The following FAH variants were observed in gnomAD, a reference collection of about 807,000 sequenced individuals.
The protein encoded by FAH is fumarylacetoacetase.
Under a neutral mutation model 55.8 loss-of-function variants are expected in FAH, and 47 were observed. The observed-to-expected ratio is 0.84, with a 90% CI of 0.67 to 1.07. FAH has a LOEUF of 1.07. Among genes scored for constraint, FAH ranks in the 50% least tolerant of loss-of-function variants. FAH has a pLI of 0.00. For missense variants in FAH, 495 were observed against 545.9 expected, an observed-to-expected ratio of 0.91 and a Z score of 0.93; for synonymous variants, 199 against 207.7, an observed-to-expected ratio of 0.96 and a Z score of 0.36.
intron 11 of FAH, 111 bp downstream of exon 11, chr15:80,177,694 G>C: frequency 9.8e-7 from 1 of 1,017,964 alleles, no homozygotes; most frequent in South Asian, 1.3e-5. Context: ...TGATGGGTCA[G>C]CCTGTGGGCC....
intron 7 of FAH, among the ~76,000 whole-genome samples, chr15:80,169,830 G>A (rs535863180): frequency 6.6e-6 from 1 of 152,322 alleles, no homozygotes; most frequent in South Asian, 2.1e-4. Flanking sequence ...ACCGCGCTCG[G>A]CCAGGGCTGC....
chr15:80,173,659 A>C, intron 9 of FAH: 3 of 238,636 alleles, frequency 1.3e-5, no homozygotes, highest in Non-Finnish European at 1.7e-5. Flanking sequence ...AATCTGCCCC[A>C]CTCCATCACT....
chr15:80,162,843 G>A (rs559177623), intron 5 of FAH: 1 of 219,700 alleles, frequency 4.6e-6, no homozygotes, highest in African/African-American at 2.3e-5. Context: ...CTCAGAGAAG[G>A]ATCAACTTGC....
chr15:80,178,847 C>G (rs990909796), intron 11 of FAH, among the ~76,000 whole-genome samples: 4 of 152,266 alleles, frequency 2.6e-5, no homozygotes, highest in African/African-American at 9.6e-5. Flanking sequence ...CTCAGCCTCC[C>G]AAAGTGCTGG....
intron 10 of FAH, among the ~76,000 whole-genome samples, chr15:80,176,513 G>T (rs748431863): frequency 2.0e-5 from 3 of 152,220 alleles, no homozygotes; most frequent in Non-Finnish European, 4.4e-5. Context: ...TGGCTGCCCA[G>T]GGCCCTCTGG....
chr15:80,160,751 T>C (rs1430561199), intron 4 of FAH, among the ~76,000 whole-genome samples: 2 of 152,156 alleles, frequency 1.3e-5, no homozygotes, highest in African/African-American at 4.8e-5. Flanking sequence ...CCAAAGGCTA[T>C]GGGACAAATT....
intron 4 of FAH, among the ~76,000 whole-genome samples, chr15:80,160,704 C>T (rs748606485): frequency 8.5e-5 from 13 of 152,188 alleles, no homozygotes; most frequent in East Asian, 1.9e-4. Context: ...CATGACTAGC[C>T]GCATGGCTCC....
Position 80,158,128 on chromosome 15 carries a change from T to C in FAH, c.150T>C (p.Phe50=), listed in dbSNP as rs186471906. Residue 50 remains phenylalanine (F), a synonymous_variant, in exon 2 of 14, where the codon TTT becomes TTC. Transcript: ENST00000561421. The part of the protein sequence containing the change: ...ILDLSIIKHL[F]TGPVLSKHQD... ...ACCTCAGCATCATCAAGCACCTCTTTACTGGTCCTGTCCTCTCCAAACACC... is the reference window on the plus strand; with the variant it reads ...ACCTCAGCATCATCAAGCACCTCTTCACTGGTCCTGTCCTCTCCAAACACC... 292 of 1,614,140 alleles carry C rather than the reference T, an allele frequency of 1.8e-4. No homozygotes were observed. The Middle Eastern group carries it at 2.0e-3, about 11-fold the overall frequency.
chr15:80,168,402 C>T (rs921659668), intron 7 of FAH, 86 bp downstream of exon 7: 126 of 1,352,822 alleles, frequency 9.3e-5, no homozygotes, highest in African/African-American at 6.0e-4. Context: ...CACCATGAGC[C>T]GCCCACTCCC....
At chr15:80,153,588 G>T (rs559686894) in intron 1 of FAH, among the ~76,000 whole-genome samples, 1 of 152,142 alleles carries the variant, frequency 6.6e-6, no homozygotes, top group African/African-American at 2.4e-5. Context: ...ATGCGTAGCA[G>T]GTCAGAGGGG....
intron 1 of FAH, among the ~76,000 whole-genome samples, chr15:80,154,759 G>C (rs1225041316): frequency 2.0e-5 from 3 of 152,216 alleles, no homozygotes; most frequent in Non-Finnish European, 4.4e-5. Context: ...CTCTGGTCCA[G>C]ATTTTGCCTG....
intron 5 of FAH, chr15:80,163,400 G>C (rs926106340): frequency 6.6e-6 from 1 of 152,252 alleles, no homozygotes; most frequent in African/African-American, 2.4e-5. Context: ...CCAGTGGACT[G>C]CCCAGCCCCA....
At chr15:80,182,887 A>G (rs2041342385) in intron 13 of FAH, among the ~76,000 whole-genome samples, 2 of 152,334 alleles carry the variant, frequency 1.3e-5, no homozygotes, top group South Asian at 4.1e-4. Context: ...GGGGAAAGGA[A>G]GGAAAGAGAT....
At chr15:80,175,131 G>A in intron 10 of FAH, 40 bp downstream of exon 10, 1 of 1,571,130 alleles carries the variant, frequency 6.4e-7, no homozygotes, top group Non-Finnish European at 8.8e-7. Flanking sequence ...GAGCTCTGAG[G>A]CAATGTGTGC....
intron 13 of FAH, among the ~76,000 whole-genome samples, chr15:80,182,832 A>G (rs1235664152): frequency 1.3e-5 from 2 of 152,222 alleles, no homozygotes; most frequent in East Asian, 1.9e-4. Context: ...GCCTTTGGTC[A>G]CGGTTCTGTG....
At chr15:80,175,136 G>A (rs760594525) in intron 10 of FAH, 45 bp downstream of exon 10, 7 of 1,525,340 alleles carry the variant, frequency 4.6e-6, no homozygotes, top group Non-Finnish European at 4.5e-6. Context: ...CTGAGGCAAT[G>A]TGTGCCTGTG....
chr15:80,174,903 G>A, intron 9 of FAH, 113 bp from the exon 10 acceptor site: 1 of 829,564 alleles, frequency 1.2e-6, no homozygotes, highest in Non-Finnish European at 2.1e-6. Context: ...TGCTGTCTCA[G>A]ACCCTCTGCC....
chr15:80,155,617 G>C (rs2041091644), intron 1 of FAH, among the ~76,000 whole-genome samples: 1 of 152,170 alleles, frequency 6.6e-6, no homozygotes, highest in Non-Finnish European at 1.5e-5. Flanking sequence ...AAGAGATAAA[G>C]AGAGAACAGC....
intron 13 of FAH, among the ~76,000 whole-genome samples, chr15:80,184,133 C>A (rs1258818987): frequency 6.6e-6 from 1 of 152,210 alleles, no homozygotes; most frequent in Non-Finnish European, 1.5e-5. Flanking sequence ...TTGCAACTTG[C>A]AAGGATGTGT....
Sources: allele counts gnomAD v4.1 joint callset (sites outside exome capture counted in the v4.1 genomes callset), GRCh38; gene constraint gnomAD v4.1.1; transcripts MANE v1.5; gene names NCBI Gene and HGNC (gene_info 2026-07-23, HGNC 2026-07-21).